The following ATXN7L1 variants were observed in gnomAD, a reference collection of about 807,000 sequenced individuals.
ATXN7L1 encodes ataxin 7 like 1.
ATXN7L1 carries 15 observed loss-of-function variants against 70.8 expected under a neutral mutation model. That is an observed-to-expected ratio of 0.21 (90% CI 0.14 to 0.33). The LOEUF is 0.33. Ranked by LOEUF, ATXN7L1 falls within the 10% of genes least tolerant of loss-of-function variation. The probability of loss-of-function intolerance (pLI) is 1.00; values close to 1 mark genes in which losing one functional copy is unlikely to be tolerated. For synonymous variants in ATXN7L1, 440 were observed against 445.1 expected, an observed-to-expected ratio of 0.99 and a Z score of 0.14; for missense variants, 975 against 1,097.1, an observed-to-expected ratio of 0.89 and a Z score of 1.57.
chr7:105,777,980 T>A (rs1802975430), intron 3 of ATXN7L1, among the ~76,000 whole-genome samples: 1 of 152,258 alleles, frequency 6.6e-6, no homozygotes, highest in Admixed American at 6.5e-5. Context: ...TATTTGTTTA[T>A]GTTATTTAAC....
intron 3 of ATXN7L1, among the ~76,000 whole-genome samples, chr7:105,758,983 G>A (rs1366497173): frequency 6.6e-6 from 1 of 152,042 alleles, no homozygotes; most frequent in East Asian, 1.9e-4. Context: ...GGCCGGGGGT[G>A]GTAAGGCTTC....
At chr7:105,753,029 T>A (rs1799387670) in intron 3 of ATXN7L1, among the ~76,000 whole-genome samples, 1 of 152,208 alleles carries the variant, frequency 6.6e-6, no homozygotes, top group Non-Finnish European at 1.5e-5. Context: ...ACAGACTAAT[T>A]AAATGATTGT....
At chr7:105,805,478 T>TGA (rs1807435169) in intron 2 of ATXN7L1, among the ~76,000 whole-genome samples, 1 of 152,176 alleles carries the variant, frequency 6.6e-6, no homozygotes, top group Admixed American at 6.5e-5. Context: ...TACTCACTCA[T>TGA]TTATCCAACA....
chr7:105,712,208 A>T (rs767021099), intron 3 of ATXN7L1, among the ~76,000 whole-genome samples: 17 of 152,314 alleles, frequency 1.1e-4, no homozygotes, highest in Non-Finnish European at 1.6e-4. Flanking sequence ...CCTGGCCCAC[A>T]AAACCATTTT....
In ATXN7L1 at chr7:105,691,634, G is replaced by A. The variant is rs556429718; in HGVS notation, c.356-26346C>T. ...ATGTTGTACTTTTGGAACCTGAAGC[G>A]ATCCACATTAGCACGGATGTCAGTA... On this transcript the variant is annotated intron_variant, in intron 3 of 11. Transcript: ENST00000419735. The A allele has an allele frequency of 4.9e-5, 7 of 141,656 alleles. No homozygotes were observed. The East Asian group carries it at 1.4e-3, about 29-fold the overall frequency. 8.8% of individuals were successfully genotyped at this position (141,656 alleles called of 1,614,324 possible). A position where few individuals can be genotyped will look rare whatever the true frequency, so the allele number is the denominator to read the frequency against.
intron 3 of ATXN7L1, among the ~76,000 whole-genome samples, chr7:105,712,984 T>A (rs1029942198): frequency 6.6e-6 from 1 of 152,154 alleles, no homozygotes; most frequent in Non-Finnish European, 1.5e-5. Flanking sequence ...GAGGTTTAAT[T>A]GACTCACAGT....
At chr7:105,873,120 C>G (rs1451731684) in intron 2 of ATXN7L1, among the ~76,000 whole-genome samples, 2 of 152,100 alleles carry the variant, frequency 1.3e-5, no homozygotes, top group Admixed American at 6.6e-5. Flanking sequence ...CGCCACTGCA[C>G]TCCAGCCTGG....
chr7:105,637,856 T>G (rs1797615403), intron 7 of ATXN7L1, among the ~76,000 whole-genome samples: 1 of 152,120 alleles, frequency 6.6e-6, no homozygotes, highest in Admixed American at 6.5e-5. Flanking sequence ...TAGGAGAGCG[T>G]GCAAAACAAA....
Position 105,610,391 on chromosome 7 carries a change from C to G in ATXN7L1, c.2547+138G>C, listed in dbSNP as rs1793039494. On this transcript the variant is annotated intron_variant, in intron 11 of 11. Transcript: ENST00000419735. ...AAGGGCACACAGCTAACTAGAAGGC[C>G]TAGGTTTGGAAGCCAGGTAGCCATG... 8.0e-6 allele frequency: 6 copies of G among 748,836 alleles called. No homozygotes were observed. The South Asian group carries it at 9.4e-5, about 12-fold the overall frequency. 46.4% of individuals were successfully genotyped at this position (748,836 alleles called of 1,614,324 possible).
chr7:105,865,332 C>T (rs1817241364), intron 2 of ATXN7L1, among the ~76,000 whole-genome samples: 1 of 152,156 alleles, frequency 6.6e-6, no homozygotes, highest in Non-Finnish European at 1.5e-5. Flanking sequence ...CCATTAAACT[C>T]CCAAGCCTGC....
At chr7:105,839,950 T>C (rs1325874748) in intron 2 of ATXN7L1, among the ~76,000 whole-genome samples, 17 of 152,232 alleles carry the variant, frequency 1.1e-4, no homozygotes, top group Admixed American at 1.1e-3. Context: ...TCTGCATGGG[T>C]CTGAGGTTTA....
At chr7:105,757,312 C>T (rs1453700473) in intron 3 of ATXN7L1, among the ~76,000 whole-genome samples, 1 of 152,096 alleles carries the variant, frequency 6.6e-6, no homozygotes, top group African/African-American at 2.4e-5. Context: ...AGGATGGAGG[C>T]AAATTTCACA....
chr7:105,730,451 G>A (rs1217774875), intron 3 of ATXN7L1, among the ~76,000 whole-genome samples: 1 of 152,124 alleles, frequency 6.6e-6, no homozygotes, highest in African/African-American at 2.4e-5. Context: ...GGAGGCTAAG[G>A]GCCAGGCGTG....
chr7:105,666,479 T>G (rs952996970), intron 3 of ATXN7L1, among the ~76,000 whole-genome samples: 72 of 152,330 alleles, frequency 4.7e-4, no homozygotes, highest in African/African-American at 1.6e-3. Flanking sequence ...TCCTGGTTGC[T>G]TTTGCAGGCA....
intron 3 of ATXN7L1, among the ~76,000 whole-genome samples, chr7:105,767,532 C>G (rs1343549548): frequency 6.6e-6 from 1 of 152,186 alleles, no homozygotes; most frequent in Non-Finnish European, 1.5e-5. Context: ...ATTCACAAGG[C>G]CAGAGAAGTG....
intron 3 of ATXN7L1, among the ~76,000 whole-genome samples, chr7:105,710,430 T>C: frequency 8.0e-6 from 1 of 125,654 alleles, no homozygotes; most frequent in Admixed American, 9.1e-5. Context: ...TTTTTTGAGA[T>C]GGAGTCTCAC....
intron 7 of ATXN7L1, among the ~76,000 whole-genome samples, chr7:105,636,923 A>G (rs1483376842): frequency 6.6e-6 from 1 of 152,206 alleles, no homozygotes; most frequent in African/African-American, 2.4e-5. Context: ...AAGAAGTTTA[A>G]AAGTCGCTGT....
At chr7:105,630,639 T>C (rs1796447961) in intron 7 of ATXN7L1, among the ~76,000 whole-genome samples, 1 of 151,984 alleles carries the variant, frequency 6.6e-6, no homozygotes, top group Non-Finnish European at 1.5e-5. Flanking sequence ...GGAGGATTGC[T>C]TGAGCCTGGG....
At chr7:105,647,963 C>G (rs1385765341) in intron 4 of ATXN7L1, among the ~76,000 whole-genome samples, 2 of 152,180 alleles carry the variant, frequency 1.3e-5, no homozygotes, top group South Asian at 2.1e-4. Context: ...CAGAACTCAG[C>G]TGGATGCGAA....
Sources: gnomAD v4.1 joint callset for allele counts (sites outside exome capture counted in the v4.1 genomes callset) on GRCh38, gnomAD v4.1.1 for gene constraint, MANE v1.5 for transcripts, NCBI Gene and HGNC (gene_info 2026-07-23, HGNC 2026-07-21) for gene names.